The following TSHZ3 variants were observed in gnomAD, a reference collection of about 807,000 sequenced individuals.
The protein encoded by TSHZ3 is teashirt zinc finger homeobox 3.
In TSHZ3, 10 loss-of-function variants were observed where a neutral mutation model predicts 64.5. The ratio of observed to expected loss-of-function variants is 0.16; its 90% confidence interval spans 0.10 to 0.26. TSHZ3 has a LOEUF of 0.26. Among genes scored for constraint, TSHZ3 ranks in the 10% least tolerant of loss-of-function variants. The pLI is 1.00. For synonymous variants in TSHZ3, 608 were observed against 593.1 expected (o/e 1.03, Z -0.36); for missense variants, 1,242 against 1,421.7 (o/e 0.87, Z 2.03).
At position 31,278,234 on chromosome 19, in the gene TSHZ3, A is replaced by G; in HGVS notation, c.1559T>C (p.Leu520Pro). 6.2e-7 allele frequency: 1 copy of G among 1,614,136 alleles called. No homozygotes were observed. Residue 520 changes from leucine (L) to proline (P), a missense_variant, in exon 2 of 2, where the codon CTT (leucine) becomes CCT (proline). Around this residue, in one of 4 missense-constraint regions of TSHZ3, gnomAD observed 555 missense variants for 704.0 expected, o/e 0.79. Coordinates refer to ENST00000240587, the MANE Select transcript of TSHZ3 (RefSeq NM_020856.4). The surrounding 1 kb of genome is among the most constrained non-coding windows in gnomAD (Gnocchi z 4.7). Reference protein sequence around the residue: ...NDLEESPKGGLDILKSLENTV... With the variant: ...NDLEESPKGGPDILKSLENTV... The stretch of plus-strand genomic sequence containing the variant: ...GTTTTCCAAGGATTTGAGGATATCA[A>G]GCCCCCCCTTGGGACTCTCTTCTAA...
intron 1 of TSHZ3, among the ~76,000 whole-genome samples, chr19:31,333,117 T>TAAAA (rs1917141578): frequency 6.9e-6 from 1 of 144,152 alleles, no homozygotes; most frequent in Non-Finnish European, 1.5e-5. Context: ...AATAAATAAA[T>TAAAA]AAATAAATAA....
At chr19:31,249,771 A>G (rs912573441) in intron 1 of TSHZ3, among the ~76,000 whole-genome samples, 1 of 152,104 alleles carries the variant, frequency 6.6e-6, no homozygotes, top group Non-Finnish European at 1.5e-5. Context: ...TCCCTCTGGC[A>G]GGTCCTTCAT....
chr19:31,249,904 G>A (rs906868175), intron 1 of TSHZ3, among the ~76,000 whole-genome samples: 2 of 152,224 alleles, frequency 1.3e-5, no homozygotes, highest in African/African-American at 4.8e-5. Context: ...TCAATAACTA[G>A]CAGCAATGAC....
At chr19:31,264,363 C>T (rs1976020856) in intron 1 of TSHZ3, among the ~76,000 whole-genome samples, 1 of 152,226 alleles carries the variant, frequency 6.6e-6, no homozygotes, top group East Asian at 1.9e-4. Flanking sequence ...ACAGTGGCAG[C>T]TTGCTCCTTA....
intron 1 of TSHZ3, among the ~76,000 whole-genome samples, chr19:31,340,496 G>GGGGAAAGGGA (rs1917400673): frequency 6.6e-6 from 1 of 151,776 alleles, no homozygotes; most frequent in Non-Finnish European, 1.5e-5. Flanking sequence ...ACACAGAAAA[G>GGGGAAAGGGA]GGGAAAGGGA....
At chr19:31,307,332 G>A (rs1916330133) in intron 1 of TSHZ3, among the ~76,000 whole-genome samples, 1 of 152,070 alleles carries the variant, frequency 6.6e-6, no homozygotes, top group Non-Finnish European at 1.5e-5. Flanking sequence ...GTTCTGGGAA[G>A]GTTCTGGGCT....
chr19:31,245,395 T>A (rs1397780832), intron 1 of TSHZ3, among the ~76,000 whole-genome samples: 1 of 152,154 alleles, frequency 6.6e-6, no homozygotes, highest in African/African-American at 2.4e-5. Context: ...CTCATATGAA[T>A]CTGACTAGGA....
chr19:31,171,936 C>A (rs1037124917), intron 5 of TSHZ3, among the ~76,000 whole-genome samples: 1 of 152,152 alleles, frequency 6.6e-6, no homozygotes, highest in Non-Finnish European at 1.5e-5. Flanking sequence ...TCTGAGTAAC[C>A]ATGCAAGCCT....
rs1168506378 is a variant in TSHZ3, at chr19:31,242,158, G to T, written n.550+111C>A. Among the ~76,000 whole-genome samples the T allele has an allele frequency of 3.3e-5, 5 of 152,128 alleles. No individual in the cohort carries two copies. The East Asian group carries it at 7.7e-4, about 23-fold the overall frequency. ...GTCTTTGAATCTTCACTTAAAATTT[G>T]TCCCTTCCAGAAGACAGCTTTAGTA... On this transcript the variant is annotated intron_variant and non_coding_transcript_variant, in intron 3 of 6. Transcript: ENST00000651361.
intron 5 of TSHZ3, among the ~76,000 whole-genome samples, chr19:31,191,571 G>C (rs1974906707): frequency 6.6e-6 from 1 of 152,036 alleles, no homozygotes; most frequent in Admixed American, 6.6e-5. Context: ...GGAAGAGAGG[G>C]AAAAAAATGT....
intron 1 of TSHZ3, among the ~76,000 whole-genome samples, chr19:31,340,806 G>A (rs981145819): frequency 1.3e-5 from 2 of 152,208 alleles, no homozygotes. Flanking sequence ...GCAGGAGGCT[G>A]CAGGGCCAAG....
chr19:31,221,074 A>G (rs1975390124), intron 4 of TSHZ3, among the ~76,000 whole-genome samples: 1 of 152,218 alleles, frequency 6.6e-6, no homozygotes, highest in Non-Finnish European at 1.5e-5. Flanking sequence ...ATGTATATTC[A>G]CCCAACATCT....
intron 5 of TSHZ3, among the ~76,000 whole-genome samples, chr19:31,179,115 A>G (rs1411157135): frequency 6.6e-6 from 1 of 152,142 alleles, no homozygotes; most frequent in Non-Finnish European, 1.5e-5. Context: ...TTGACTGAAG[A>G]GCTTCCTGAC....
intron 1 of TSHZ3, among the ~76,000 whole-genome samples, chr19:31,287,101 C>T (rs1406942936): frequency 6.6e-6 from 1 of 152,166 alleles, no homozygotes. Flanking sequence ...GAAGTGTTGG[C>T]TGGGACCTGC....
intron 1 of TSHZ3, among the ~76,000 whole-genome samples, chr19:31,340,644 G>C (rs922086717): frequency 6.6e-6 from 1 of 152,152 alleles, no homozygotes; most frequent in African/African-American, 2.4e-5. Context: ...CCTGATTACT[G>C]GGGCCTATGG....
At chr19:31,318,292 T>C (rs1258871503) in intron 1 of TSHZ3, among the ~76,000 whole-genome samples, 1 of 152,244 alleles carries the variant, frequency 6.6e-6, no homozygotes, top group African/African-American at 2.4e-5. Context: ...ATATAACAGA[T>C]AATATGGCAA....
At chr19:31,184,992 A>G (rs1210927964) in intron 5 of TSHZ3, among the ~76,000 whole-genome samples, 3 of 152,210 alleles carry the variant, frequency 2.0e-5, no homozygotes, top group Non-Finnish European at 4.4e-5. Flanking sequence ...TGTGCTGAGC[A>G]GAGCAGGGTG....
At chr19:31,316,508 T>C (rs942637903) in intron 1 of TSHZ3, among the ~76,000 whole-genome samples, 8 of 152,202 alleles carry the variant, frequency 5.3e-5, no homozygotes, top group African/African-American at 1.9e-4. Flanking sequence ...CTGGCGTGTT[T>C]CAGTGAGCAC....
At chr19:31,271,176 C>T (rs1407869186), downstream of TSHZ3, among the ~76,000 whole-genome samples, 1 of 152,110 alleles carries the variant, frequency 6.6e-6, no homozygotes, top group East Asian at 1.9e-4. Flanking sequence ...CTTGGCAGGG[C>T]AGGGGATATA....
Sources: gnomAD v4.1 joint callset for allele counts (sites outside exome capture counted in the v4.1 genomes callset) on GRCh38, gnomAD v4.1.1 for gene constraint, gnomAD v4.1.1 regional missense constraint, Gnocchi (gnomAD v3.1) non-coding constraint, MANE v1.5 for transcripts, NCBI Gene and HGNC (gene_info 2026-07-23, HGNC 2026-07-21) for gene names.